Variants in NALCN observed in about 807,000 individuals in gnomAD.
NALCN encodes sodium leak channel NALCN.
A neutral mutation model predicts 225.3 loss-of-function variants in NALCN; 111 were observed. The observed-to-expected ratio is 0.49, with a 90% CI of 0.42 to 0.58. NALCN has a LOEUF of 0.58. Among genes scored for constraint, NALCN ranks in the 20% least tolerant of loss-of-function variants. The probability of loss-of-function intolerance (pLI) is 0.00; values close to 1 mark genes in which losing one functional copy is unlikely to be tolerated. For missense variants in NALCN, 1,378 were observed against 2,202.4 expected (o/e 0.63, Z 7.49); for synonymous variants, 764 against 769.0 (o/e 0.99, Z 0.11).
In NALCN at chr13:101,089,927, G is replaced by A. The variant is rs1035085564; in HGVS notation, c.3309C>T (p.Asn1103=). Residue 1103 remains asparagine, a synonymous_variant, in exon 29 of 44, where the codon AAC becomes AAT. Transcript: ENST00000251127. This position sits in a 1 kb window ranked among gnomAD's most constrained non-coding sequence, Gnocchi z 4.7. ...PRNFNFDNVG[N]AMLALFEVLS... ...GAACTTCAAACAACGCCAGCATAGC[G>A]TTTCCCACATTGTCGAAATTAAAGT... The A allele has an allele frequency of 8.7e-6, 14 of 1,613,974 alleles. No homozygotes were observed. Among genetic ancestry groups the A allele is most frequent in the Admixed American group, 6.7e-5 (4 of 60,010 alleles).
At chr13:101,330,971 T>C (rs1029557274) in intron 7 of NALCN, among the ~76,000 whole-genome samples, 5 of 152,194 alleles carry the variant, frequency 3.3e-5, no homozygotes, top group African/African-American at 1.2e-4. Context: ...CTATTAAATC[T>C]TTTTCTTTAT....
intron 1 of NALCN, among the ~76,000 whole-genome samples, chr13:101,415,752 G>A (rs2047924528): frequency 6.6e-6 from 1 of 152,342 alleles, no homozygotes; most frequent in East Asian, 1.9e-4. Flanking sequence ...AGGAGCATGG[G>A]GGTGGGGCAA....
At chr13:101,057,009 C>T (rs913712351) in intron 43 of NALCN, 1 of 152,168 alleles carries the variant, frequency 6.6e-6, no homozygotes, top group African/African-American at 2.4e-5. Flanking sequence ...AAAGGGGATA[C>T]TTTCCTTGGT....
At chr13:101,101,654 T>C (rs954834147) in intron 26 of NALCN, among the ~76,000 whole-genome samples, 5 of 152,128 alleles carry the variant, frequency 3.3e-5, no homozygotes, top group African/African-American at 1.2e-4. Context: ...TGTGAAGGTG[T>C]GCGTTAGGAG....
chr13:101,270,896 A>G (rs990321686), intron 10 of NALCN, among the ~76,000 whole-genome samples: 2 of 152,192 alleles, frequency 1.3e-5, no homozygotes, highest in African/African-American at 4.8e-5. Flanking sequence ...CTCATCCTTC[A>G]TTTTTGCCAA....
chr13:101,403,222 G>A (rs1375343902), intron 1 of NALCN, among the ~76,000 whole-genome samples: 1 of 152,052 alleles, frequency 6.6e-6, no homozygotes, highest in African/African-American at 2.4e-5. Context: ...GTATGTGCTG[G>A]GTATACAGCA....
chr13:101,167,801 T>C (rs908820951), intron 15 of NALCN, among the ~76,000 whole-genome samples: 36 of 149,686 alleles, frequency 2.4e-4, no homozygotes, highest in Non-Finnish European at 4.4e-4. Context: ...ATCATGCTAC[T>C]GCACTCCAGC....
intron 1 of NALCN, among the ~76,000 whole-genome samples, chr13:101,399,993 G>A (rs1424073862): frequency 6.6e-6 from 1 of 152,114 alleles, no homozygotes; most frequent in African/African-American, 2.4e-5. Context: ...AAGGCAGGTG[G>A]TACCTGATGA....
chr13:101,179,321 T>C (rs1349474602), intron 14 of NALCN, among the ~76,000 whole-genome samples: 1 of 152,126 alleles, frequency 6.6e-6, no homozygotes, highest in Non-Finnish European at 1.5e-5. Flanking sequence ...AGCTTTTTTT[T>C]CATTTAATTC....
intron 17 of NALCN, among the ~76,000 whole-genome samples, chr13:101,128,534 C>G (rs754192379): frequency 1.3e-5 from 2 of 151,808 alleles, no homozygotes; most frequent in African/African-American, 2.4e-5. Flanking sequence ...GGCCATTTGA[C>G]CTATAGTTTT....
intron 10 of NALCN, among the ~76,000 whole-genome samples, chr13:101,275,256 G>C (rs954130022): frequency 6.6e-6 from 1 of 152,112 alleles, no homozygotes; most frequent in African/African-American, 2.4e-5. Context: ...AATATGCAAG[G>C]AGAGAAACAA....
intron 34 of NALCN, among the ~76,000 whole-genome samples, chr13:101,077,425 G>A (rs534003984): frequency 1.8e-4 from 27 of 152,272 alleles, no homozygotes; most frequent in African/African-American, 6.5e-4. Flanking sequence ...TTGTTGGATA[G>A]CTTTGACCAA....
At chr13:101,175,063 G>A (rs1176450699) in intron 15 of NALCN, among the ~76,000 whole-genome samples, 1 of 152,160 alleles carries the variant, frequency 6.6e-6, no homozygotes, top group Non-Finnish European at 1.5e-5. Flanking sequence ...ATGGCATAAA[G>A]GAATGTCCCA....
In NALCN at chr13:101,089,840, G is replaced by A. The variant is rs200574014; in HGVS notation, c.3390+6C>T. 69 of 1,614,002 alleles carry A rather than the reference G, an allele frequency of 4.3e-5. No individual in the cohort carries two copies. In the East Asian group the frequency reaches 1.4e-3, roughly 34 times the overall value. On this transcript the variant is annotated splice_donor_region_variant and intron_variant, in intron 29 of 43. Transcript: ENST00000251127. The surrounding 1 kb of genome is among the most constrained non-coding windows in gnomAD (Gnocchi z 4.7). ...AGTGTTCAAAGGATTCGATGTGCTCGCTTACCGGCCCCACACGATGAATAA... is the reference window on the plus strand; with the variant it reads ...AGTGTTCAAAGGATTCGATGTGCTCACTTACCGGCCCCACACGATGAATAA...
chr13:101,101,356 C>T (rs529636499), intron 26 of NALCN, among the ~76,000 whole-genome samples: 7 of 146,380 alleles, frequency 4.8e-5, no homozygotes, highest in African/African-American at 1.5e-4. Flanking sequence ...TCTCAGCTCA[C>T]TGCAACCTCC....
chr13:101,201,787 C>T lies in NALCN; in HGVS notation c.1627-9733G>A, dbSNP rs545869318. Among the ~76,000 whole-genome samples, 9 of 152,256 alleles carry T rather than the reference C, an allele frequency of 5.9e-5. No individual in the cohort carries two copies. In the South Asian group the frequency reaches 1.2e-3, roughly 21 times the overall value. ...TCCACATATAACTTTGATTTTACAA[C>T]ATAACTTGTATCAACTTTTTAAATC... On this transcript the variant is annotated intron_variant, in intron 13 of 43. Transcript: ENST00000251127.
At chr13:101,250,109 T>C (rs2042017906) in intron 11 of NALCN, among the ~76,000 whole-genome samples, 1 of 152,064 alleles carries the variant, frequency 6.6e-6, no homozygotes, top group South Asian at 2.1e-4. Flanking sequence ...AATTATTTCA[T>C]TCACAAAAGA....
At chr13:101,217,815 G>T (rs1025510731) in intron 13 of NALCN, among the ~76,000 whole-genome samples, 1 of 152,158 alleles carries the variant, frequency 6.6e-6, no homozygotes, top group African/African-American at 2.4e-5. Flanking sequence ...TACTTTGCAG[G>T]TACCTACCTA....
intron 10 of NALCN, among the ~76,000 whole-genome samples, chr13:101,265,405 G>C (rs1177383350): frequency 1.3e-5 from 2 of 152,142 alleles, no homozygotes; most frequent in Non-Finnish European, 2.9e-5. Context: ...ATGAGACAAT[G>C]AGTCTGGAAC....
Sources: gnomAD v4.1 joint callset for allele counts (sites outside exome capture counted in the v4.1 genomes callset) on GRCh38, gnomAD v4.1.1 for gene constraint, Gnocchi (gnomAD v3.1) non-coding constraint, MANE v1.5 for transcripts, NCBI Gene and HGNC (gene_info 2026-07-23, HGNC 2026-07-21) for gene names.